Variants in CREB3L2 observed in about 807,000 individuals in gnomAD.
CREB3L2 encodes cyclic AMP-responsive element-binding protein 3-like protein 2.
In CREB3L2, 23 loss-of-function variants were observed where a neutral mutation model predicts 57.2. The ratio of observed to expected loss-of-function variants is 0.40; its 90% confidence interval spans 0.29 to 0.57. The LOEUF is 0.57. CREB3L2 is among the 20% of genes least tolerant of loss of function. CREB3L2 has a pLI of 0.42. For synonymous variants in CREB3L2, 268 were observed against 265.1 expected, an observed-to-expected ratio of 1.01 and a Z score of -0.11; for missense variants, 628 against 634.7, an observed-to-expected ratio of 0.99 and a Z score of 0.11.
intron 1 of CREB3L2, among the ~76,000 whole-genome samples, chr7:137,996,275 T>G (rs147930078): frequency 4.6e-5 from 7 of 152,298 alleles, no homozygotes; most frequent in African/African-American, 1.7e-4. Context: ...ACAGCAAAAT[T>G]TGAAGGGATG....
chr7:137,945,705 C>A (rs138275609), intron 1 of CREB3L2, among the ~76,000 whole-genome samples: 1 of 152,236 alleles, frequency 6.6e-6, no homozygotes, highest in South Asian at 2.1e-4. Context: ...AAGAACTGGG[C>A]CTTTCACCAA....
At chr7:137,979,582 C>T (rs1036597053) in intron 1 of CREB3L2, among the ~76,000 whole-genome samples, 4 of 152,068 alleles carry the variant, frequency 2.6e-5, no homozygotes, top group Non-Finnish European at 5.9e-5. Context: ...AAAAATTAGC[C>T]GGGCGTGGTG....
intron 5 of CREB3L2, 55 bp downstream of exon 5, chr7:137,908,197 G>A: frequency 5.1e-6 from 6 of 1,165,870 alleles, no homozygotes; most frequent in East Asian, 3.2e-5. Flanking sequence ...TACAGCCCCA[G>A]GGGAATGAAT....
At chr7:137,962,446 C>G (rs377212851) in intron 1 of CREB3L2, among the ~76,000 whole-genome samples, 34 of 152,140 alleles carry the variant, frequency 2.2e-4, no homozygotes, top group African/African-American at 7.5e-4. Flanking sequence ...AGCTTCTTCC[C>G]GCACCATCCT....
At chr7:137,993,189 G>T (rs773151033) in intron 1 of CREB3L2, among the ~76,000 whole-genome samples, 5 of 152,198 alleles carry the variant, frequency 3.3e-5, no homozygotes, top group Non-Finnish European at 5.9e-5. Flanking sequence ...TGACTTAGGG[G>T]ATAGGTTGGA....
At chr7:137,899,123 A>AGGAAGGAAGGAAGGAG in intron 8 of CREB3L2, among the ~76,000 whole-genome samples, 1 of 140,926 alleles carries the variant, frequency 7.1e-6, no homozygotes, top group African/African-American at 2.6e-5. Flanking sequence ...GAAGGAAGGA[A>AGGAAGGAAGGAAGGAG]GGAAGGAAGG....
At chr7:137,890,018 G>C (rs1585594746) in intron 8 of CREB3L2, among the ~76,000 whole-genome samples, 1 of 152,034 alleles carries the variant, frequency 6.6e-6, no homozygotes, top group East Asian at 1.9e-4. Flanking sequence ...TAATAATAAA[G>C]CATGTCTTAG....
chr7:137,899,373 C>T (rs1799706151), intron 8 of CREB3L2, among the ~76,000 whole-genome samples: 1 of 152,240 alleles, frequency 6.6e-6, no homozygotes, highest in African/African-American at 2.4e-5. Flanking sequence ...GGTCTTTGCT[C>T]TTCCCCTTTT....
intron 1 of CREB3L2, among the ~76,000 whole-genome samples, chr7:137,941,615 A>G (rs1800880815): frequency 6.6e-6 from 1 of 152,204 alleles, no homozygotes; most frequent in Non-Finnish European, 1.5e-5. Context: ...CTGTTATCCC[A>G]CATTGCTAGC....
chr7:137,881,254 T>G (rs1432637763), intron 11 of CREB3L2, among the ~76,000 whole-genome samples: 2 of 152,162 alleles, frequency 1.3e-5, no homozygotes, highest in African/African-American at 4.8e-5. Context: ...ATGGGATACT[T>G]AAAAGGATTT....
chr7:137,901,117 G>C (rs575962585), intron 8 of CREB3L2, among the ~76,000 whole-genome samples: 4 of 152,326 alleles, frequency 2.6e-5, no homozygotes, highest in African/African-American at 9.6e-5. Context: ...TTGTGGATGT[G>C]AACATGAGAG....
At chr7:137,924,561 T>C (rs1386127402) in intron 2 of CREB3L2, among the ~76,000 whole-genome samples, 1 of 152,246 alleles carries the variant, frequency 6.6e-6, no homozygotes, top group African/African-American at 2.4e-5. Flanking sequence ...TCTCAAAGCA[T>C]AAAAGTATCA....
intron 2 of CREB3L2, among the ~76,000 whole-genome samples, chr7:137,917,614 C>T (rs192814475): frequency 8.1e-4 from 123 of 152,148 alleles, no homozygotes; most frequent in African/African-American, 2.6e-3. Context: ...CATTTAGAAC[C>T]GCTAAGAAGA....
In CREB3L2 at chr7:137,882,547, C is replaced by T. The variant is rs1463015445; in HGVS notation, c.1352G>A (p.Gly451Glu). The change falls in exon 11 of 12, where the codon GGG becomes GAG. Residue 451 changes from glycine to glutamate, a missense_variant. Gly to Glu is a moderately conservative substitution (Grantham distance 98, BLOSUM62 -2). This residue lies in a region of CREB3L2 where 272 missense variants were observed against 242.7 expected (regional missense o/e 1.12). Transcript: ENST00000330387. ...CAGGGAGGAACCTCTATCCCAGCCCCCCAGCTCCCCAGCCGAGCCCGGGCT... is the reference window on the plus strand; with the variant it reads ...CAGGGAGGAACCTCTATCCCAGCCCTCCAGCTCCCCAGCCGAGCCCGGGCT... ...SSSPGSAGEL[G>E]GWDRGSSLLR... The T allele has an allele frequency of 3.1e-6, 5 of 1,613,758 alleles. No individual in the cohort carries two copies. In the East Asian group the frequency reaches 6.7e-5, roughly 22 times the overall value.
chr7:137,943,709 G>A (rs936493110), intron 1 of CREB3L2, among the ~76,000 whole-genome samples: 1 of 152,156 alleles, frequency 6.6e-6, no homozygotes, highest in Non-Finnish European at 1.5e-5. Context: ...TTCTGAAGTG[G>A]TTAGAGATGT....
chr7:137,908,352 C>A lies in CREB3L2; in HGVS notation c.668G>T (p.Arg223Leu). The change falls in exon 5 of 12, where the codon CGC (arginine) becomes CTC (leucine). Residue 223 changes from arginine to leucine, a missense_variant. By Grantham distance (102) the Arg-to-Leu change is moderately radical. This residue lies in a region of CREB3L2 where 339 missense variants were observed against 355.4 expected (regional missense o/e 0.95). Transcript: ENST00000330387. ...CTGAGGCAGGCTGAAGGGGTGCAGG[C>A]GTGGGTTGGGACTCAGGCTGCCCTC... ...DSEGSLSPNP[R>L]LHPFSLPQTH... The A allele has an allele frequency of 3.2e-6, 4 of 1,259,190 alleles. No individual in the cohort carries two copies. The highest frequency in any genetic ancestry group is 1.5e-5 in the African/African-American group (1 of 64,748). The allele number at this position is 1,259,190 out of a possible 1,614,324, so 78.0% of individuals were successfully genotyped here. A position where few individuals can be genotyped will look rare whatever the true frequency, so the allele number is the denominator to read the frequency against.
chr7:137,975,128 T>A (rs1801583635), intron 1 of CREB3L2, among the ~76,000 whole-genome samples: 1 of 152,138 alleles, frequency 6.6e-6, no homozygotes, highest in East Asian at 1.9e-4. Flanking sequence ...TATAAAAATA[T>A]TAGTTACTTT....
At chr7:137,918,713 A>C (rs1373164814) in intron 2 of CREB3L2, among the ~76,000 whole-genome samples, 1 of 152,120 alleles carries the variant, frequency 6.6e-6, no homozygotes, top group African/African-American at 2.4e-5. Flanking sequence ...AACTTAATTC[A>C]CAAGGCAAAC....
intron 1 of CREB3L2, chr7:137,957,710 A>G: frequency 8.2e-7 from 1 of 1,226,964 alleles, no homozygotes; most frequent in Non-Finnish European, 1.1e-6. Context: ...CTTCCACTCA[A>G]TTTACAGGCT....
Sources: allele counts gnomAD v4.1 joint callset (sites outside exome capture counted in the v4.1 genomes callset), GRCh38; gene constraint gnomAD v4.1.1; regional missense constraint gnomAD v4.1.1; transcripts MANE v1.5; gene names NCBI Gene and HGNC (gene_info 2026-07-23, HGNC 2026-07-21).